The following ESRRB variants were observed in gnomAD, a reference collection of about 807,000 sequenced individuals.
The protein encoded by ESRRB is steroid hormone receptor ERR2.
ESRRB carries 16 observed loss-of-function variants against 46.0 expected under a neutral mutation model. The observed-to-expected ratio is 0.35, with a 90% CI of 0.24 to 0.53. ESRRB has a LOEUF of 0.53. Ranked by LOEUF, ESRRB falls within the 20% of genes least tolerant of loss-of-function variation. The pLI, the probability that ESRRB is intolerant of heterozygous loss-of-function variation, is 0.93. For missense variants in ESRRB, 488 were observed against 607.4 expected (o/e 0.80, Z 2.07); for synonymous variants, 246 against 259.6 (o/e 0.95, Z 0.50).
chr14:76,339,057 A>G (rs1884160494), intron 1 of ESRRB, among the ~76,000 whole-genome samples: 1 of 152,184 alleles, frequency 6.6e-6, no homozygotes, highest in South Asian at 2.1e-4. Context: ...TTTGTGCCCC[A>G]TCTTCCAGTT....
intron 3 of ESRRB, among the ~76,000 whole-genome samples, chr14:76,474,427 C>T (rs1889492995): frequency 6.6e-6 from 1 of 152,178 alleles, no homozygotes; most frequent in Non-Finnish European, 1.5e-5. Flanking sequence ...TTAAAGTATA[C>T]AGTTTGATAG....
intron 6 of ESRRB, among the ~76,000 whole-genome samples, chr14:76,496,421 T>C (rs1217199100): frequency 6.6e-6 from 1 of 152,138 alleles, no homozygotes; most frequent in Non-Finnish European, 1.5e-5. Context: ...GAGTGTAAAC[T>C]TCTGTAGTGG....
intron 1 of ESRRB, among the ~76,000 whole-genome samples, chr14:76,364,155 C>G (rs985478849): frequency 7.9e-5 from 12 of 151,768 alleles, no homozygotes; most frequent in African/African-American, 2.9e-4. Context: ...AAGAAGGGGC[C>G]GAAAGTGAAA....
At position 76,397,466 on chromosome 14, in the gene ESRRB, G is replaced by C. The variant is rs576212020; in HGVS notation, c.50+21015G>C. 2.2e-4 allele frequency among the ~76,000 whole-genome samples: 33 copies of C among 152,370 alleles called. 2 individuals are homozygous for C. The South Asian group carries it at 5.2e-3, about 24-fold the overall frequency. On this transcript the variant is annotated intron_variant, in intron 1 of 6. Transcript: ENST00000644823. The stretch of plus-strand genomic sequence containing the variant: ...GCCAGGTACCCCATCCAGGGTGTCA[G>C]TAATGTGTGGAGTTTGACCTTACCC...
chr14:76,413,290 G>A (rs966506916), intron 1 of ESRRB, among the ~76,000 whole-genome samples: 5 of 152,176 alleles, frequency 3.3e-5, no homozygotes, highest in African/African-American at 1.2e-4. Context: ...TGTCCATGCT[G>A]GTCTCCTGAC....
intron 1 of ESRRB, among the ~76,000 whole-genome samples, chr14:76,378,672 C>T (rs766305692): frequency 1.7e-4 from 26 of 152,240 alleles, no homozygotes; most frequent in Non-Finnish European, 3.2e-4. Flanking sequence ...ATATATGTGC[C>T]GCCTAGGGAG....
At chr14:76,444,686 C>A (rs1888058204) in intron 2 of ESRRB, among the ~76,000 whole-genome samples, 1 of 152,112 alleles carries the variant, frequency 6.6e-6, no homozygotes, top group Non-Finnish European at 1.5e-5. Flanking sequence ...TGCGCCTGGC[C>A]CAGGTAGCTG....
chr14:76,422,739 G>A lies in ESRRB; in HGVS notation c.51-16602G>A, dbSNP rs561623107. On this transcript the variant is annotated intron_variant, in intron 1 of 6. Transcript: ENST00000644823. ...TGTCTATATTACCCATTTTGCAGATGAGGAAACCAAGTCCTAGAGAGGTCA... is the reference window on the plus strand; with the variant it reads ...TGTCTATATTACCCATTTTGCAGATAAGGAAACCAAGTCCTAGAGAGGTCA... 2.4e-4 allele frequency among the ~76,000 whole-genome samples: 37 copies of A among 152,322 alleles called. 1 individual carries two copies. In the South Asian group the frequency reaches 7.5e-3, roughly 31 times the overall value.
intron 1 of ESRRB, among the ~76,000 whole-genome samples, chr14:76,339,724 G>GC (rs900431776): frequency 8.5e-5 from 13 of 152,176 alleles, no homozygotes; most frequent in African/African-American, 2.9e-4. Flanking sequence ...TAGAAGAGCA[G>GC]CCCCCCACAC....
chr14:76,399,576 G>C (rs1233304659), intron 1 of ESRRB, among the ~76,000 whole-genome samples: 2 of 152,214 alleles, frequency 1.3e-5, no homozygotes, highest in Non-Finnish European at 2.9e-5. Flanking sequence ...ATGCAGCCAA[G>C]GTCATTTGGA....
chr14:76,341,337 T>G (rs1312243849), intron 1 of ESRRB, among the ~76,000 whole-genome samples: 1 of 152,232 alleles, frequency 6.6e-6, no homozygotes, highest in East Asian at 1.9e-4. Context: ...GCCACCACAT[T>G]GTGACCACTT....
intron 6 of ESRRB, among the ~76,000 whole-genome samples, chr14:76,493,192 T>TG (rs1296711718): frequency 6.6e-6 from 1 of 152,164 alleles, no homozygotes; most frequent in East Asian, 1.9e-4. Context: ...TCTCACTCTG[T>TG]GGCCTGGGCT....
At chr14:76,354,176 G>A (rs1387864036) in intron 1 of ESRRB, among the ~76,000 whole-genome samples, 3 of 146,792 alleles carry the variant, frequency 2.0e-5, no homozygotes, top group African/African-American at 7.7e-5. Context: ...AAATCTGCTT[G>A]GCCAACTCCT....
intron 2 of ESRRB, among the ~76,000 whole-genome samples, chr14:76,443,986 G>A (rs1888027483): frequency 6.6e-6 from 1 of 152,174 alleles, no homozygotes; most frequent in African/African-American, 2.4e-5. Flanking sequence ...ACAGGGAAAA[G>A]TAAACTCAAG....
intron 1 of ESRRB, among the ~76,000 whole-genome samples, chr14:76,320,183 TA>T (rs1370777258): frequency 1.3e-5 from 2 of 152,206 alleles, no homozygotes; most frequent in African/African-American, 2.4e-5. Flanking sequence ...ATCTATTTGC[TA>T]AAAATATCAG....
intron 1 of ESRRB, among the ~76,000 whole-genome samples, chr14:76,335,224 C>T (rs533735415): frequency 3.3e-5 from 5 of 152,282 alleles, no homozygotes; most frequent in East Asian, 1.9e-4. Context: ...GGCTCTTTTC[C>T]GCCAACATTA....
intron 1 of ESRRB, among the ~76,000 whole-genome samples, chr14:76,358,387 GAAAGAAAGAAAGAAAGAAAGAAAGAAAA>G (rs1884420441): frequency 3.1e-4 from 18 of 58,368 alleles, no homozygotes; most frequent in African/African-American, 1.1e-3. Context: ...AAGAAAGAAA[GAAAGAAAGAAAGAAAGAAAGAAAGAAAA>G]GAAAAGAAAA....
chr14:76,437,655 C>G (rs145303176), intron 1 of ESRRB, among the ~76,000 whole-genome samples: 2 of 152,022 alleles, frequency 1.3e-5, no homozygotes, highest in Non-Finnish European at 2.9e-5. Flanking sequence ...AGTGAGGCAG[C>G]CTGTCAAGGA....
chr14:76,425,895 G>A (rs1887177432), intron 1 of ESRRB, among the ~76,000 whole-genome samples: 2 of 151,950 alleles, frequency 1.3e-5, no homozygotes, highest in South Asian at 4.2e-4. Flanking sequence ...AGCTAATTTT[G>A]GGAGCCTCAG....
Sources: allele counts gnomAD v4.1 joint callset (sites outside exome capture counted in the v4.1 genomes callset), GRCh38; gene constraint gnomAD v4.1.1; transcripts MANE v1.5; gene names NCBI Gene and HGNC (gene_info 2026-07-23, HGNC 2026-07-21).